STAC: variants seen among roughly 807,000 people sequenced by gnomAD.
The protein encoded by STAC is SH3 and cysteine rich domain.
Under a neutral mutation model 48.8 loss-of-function variants are expected in STAC, and 43 were observed. The ratio of observed to expected loss-of-function variants is 0.88; its 90% CI spans 0.69 to 1.14. The LOEUF is 1.14. STAC is among the 50% of genes most tolerant of loss of function. STAC has a pLI of 0.00. For missense variants in STAC, 497 were observed against 504.0 expected, an observed-to-expected ratio of 0.99 and a Z score of 0.13; for synonymous variants, 193 against 179.5, an observed-to-expected ratio of 1.07 and a Z score of -0.60.
At chr3:36,428,629 A>C (rs772217797) in intron 1 of STAC, among the ~76,000 whole-genome samples, 2 of 152,160 alleles carry the variant, frequency 1.3e-5, no homozygotes, top group Non-Finnish European at 2.9e-5. Context: ...GACCTGAAGG[A>C]AGTGAGAAGT....
intron 1 of STAC, among the ~76,000 whole-genome samples, chr3:36,401,038 C>A (rs567794131): frequency 3.3e-5 from 5 of 152,140 alleles, no homozygotes; most frequent in Non-Finnish European, 7.4e-5. Flanking sequence ...CAAAGGATGT[C>A]GGCTTCATAT....
intron 6 of STAC, among the ~76,000 whole-genome samples, chr3:36,502,600 C>T (rs573967437): frequency 6.6e-5 from 10 of 152,266 alleles, no homozygotes; most frequent in South Asian, 6.2e-4. Context: ...TTTATGTAGA[C>T]GCCCTTTTAG....
intron 1 of STAC, among the ~76,000 whole-genome samples, chr3:36,422,827 C>G (rs1160045675): frequency 2.0e-5 from 3 of 152,098 alleles, no homozygotes; most frequent in African/African-American, 7.2e-5. Context: ...ACTCCTTATA[C>G]CAGCCAATGG....
intron 1 of STAC, among the ~76,000 whole-genome samples, chr3:36,434,672 A>T (rs188233543): frequency 9.4e-4 from 143 of 152,290 alleles, no homozygotes; most frequent in Non-Finnish European, 1.7e-3. Context: ...CCCCTTTCCC[A>T]TATAGCATGG....
At chr3:36,489,792 G>A (rs1293477305) in intron 5 of STAC, among the ~76,000 whole-genome samples, 1 of 152,144 alleles carries the variant, frequency 6.6e-6, no homozygotes, top group East Asian at 1.9e-4. Context: ...GTGAGTGCAC[G>A]AATCAATGAA....
chr3:36,510,013 G>C (rs998972836), intron 8 of STAC, among the ~76,000 whole-genome samples: 3 of 152,072 alleles, frequency 2.0e-5, no homozygotes, highest in African/African-American at 4.8e-5. Flanking sequence ...TATCATCAGA[G>C]TGAATAGGCA....
At chr3:36,433,186 C>T (rs1248271600) in intron 1 of STAC, among the ~76,000 whole-genome samples, 3 of 152,098 alleles carry the variant, frequency 2.0e-5, no homozygotes, top group African/African-American at 7.2e-5. Flanking sequence ...CAGGCATGTT[C>T]CAGATACACC....
chr3:36,515,060 T>C (rs1427819966), intron 8 of STAC, among the ~76,000 whole-genome samples: 1 of 150,682 alleles, frequency 6.6e-6, no homozygotes, highest in Admixed American at 6.6e-5. Flanking sequence ...ATAATAATAA[T>C]AATAATATAA....
At chr3:36,396,154 T>C (rs1699854264) in intron 1 of STAC, among the ~76,000 whole-genome samples, 1 of 152,174 alleles carries the variant, frequency 6.6e-6, no homozygotes, top group Admixed American at 6.5e-5. Flanking sequence ...CTTAGAGATT[T>C]TCATATTGAT....
chr3:36,415,202 A>T (rs573910009), intron 1 of STAC, among the ~76,000 whole-genome samples: 244 of 152,294 alleles, frequency 1.6e-3, no homozygotes, highest in African/African-American at 5.4e-3. Flanking sequence ...AAGCTGTCAG[A>T]CAGGGACATT....
In STAC at chr3:36,390,451, C is replaced by CTTTTTTTTTTTTTTT. The variant is rs59589769; in HGVS notation, c.111+9704_111+9718dup. On this transcript the variant is annotated intron_variant, in intron 1 of 10. Coordinates refer to ENST00000273183, the MANE Select transcript of STAC (RefSeq NM_003149.3). ...GAAGTAATCATGTGATTTTTCTTTTCTTTTTTTTTTTTTTTTTTTTTGTCC... is the reference window on the plus strand; with the variant it reads ...GAAGTAATCATGTGATTTTTCTTTTCTTTTTTTTTTTTTTTTTTTTTTTTTTTTTTTTTTTTGTCC... Among the ~76,000 whole-genome samples, 297 of 80,820 alleles carry CTTTTTTTTTTTTTTT rather than the reference C, an allele frequency of 3.7e-3. 14 individuals carry two copies. Among genetic ancestry groups the CTTTTTTTTTTTTTTT allele is most frequent in the Non-Finnish European group, 5.4e-3 (221 of 40,998 alleles). The allele number at this position is 80,820 out of a possible 152,430, so 53.0% of individuals were successfully genotyped here. A position where few individuals can be genotyped will look rare whatever the true frequency, so the allele number is the denominator to read the frequency against.
intron 6 of STAC, among the ~76,000 whole-genome samples, chr3:36,502,174 G>T (rs1046761975): frequency 2.0e-5 from 3 of 151,998 alleles, no homozygotes; most frequent in Non-Finnish European, 2.9e-5. Flanking sequence ...AGAACTAAAG[G>T]TTCATTTTGC....
chr3:36,496,024 C>T (rs1054552254), intron 6 of STAC, among the ~76,000 whole-genome samples: 1 of 152,132 alleles, frequency 6.6e-6, no homozygotes, highest in Non-Finnish European at 1.5e-5. Flanking sequence ...CAATATCCCC[C>T]GTATAGATAA....
chr3:36,502,515 A>C (rs1698304549), intron 6 of STAC, among the ~76,000 whole-genome samples: 1 of 152,196 alleles, frequency 6.6e-6, no homozygotes, highest in Non-Finnish European at 1.5e-5. Context: ...CCAGAGGGAG[A>C]TTCAATACAA....
At chr3:36,500,529 AC>A (rs1476612412) in intron 6 of STAC, among the ~76,000 whole-genome samples, 4 of 152,130 alleles carry the variant, frequency 2.6e-5, no homozygotes, top group Non-Finnish European at 5.9e-5. Context: ...GTTGATAGAT[AC>A]AGCAAACCAC....
At chr3:36,398,362 AG>A (rs1432486177) in intron 1 of STAC, among the ~76,000 whole-genome samples, 1 of 138,778 alleles carries the variant, frequency 7.2e-6, no homozygotes, top group Non-Finnish European at 1.6e-5. Context: ...AAAGAAAGAA[AG>A]AAAGAAAAGA....
chr3:36,458,870 A>G lies in STAC; in HGVS notation c.388+15230A>G, dbSNP rs1575213902. On this transcript the variant is annotated intron_variant, in intron 2 of 10. Coordinates refer to ENST00000273183, the MANE Select transcript of STAC (RefSeq NM_003149.3). ...CATCTCAGAAATTTAGTGAGTATCT[A>G]AGTCACCCGGAAGTCTTGTTAGAAT... Among the ~76,000 whole-genome samples the G allele has an allele frequency of 2.6e-5, 4 of 152,208 alleles. No individual in the cohort carries two copies. In the East Asian group the frequency reaches 7.7e-4, roughly 29 times the overall value.
intron 2 of STAC, among the ~76,000 whole-genome samples, chr3:36,470,020 G>A (rs1697287524): frequency 6.6e-6 from 1 of 151,944 alleles, no homozygotes; most frequent in Non-Finnish European, 1.5e-5. Context: ...CCTTTCTCTG[G>A]TGCCTCCTTG....
intron 6 of STAC, among the ~76,000 whole-genome samples, chr3:36,493,894 T>TG (rs1010452060): frequency 3.4e-4 from 51 of 151,896 alleles, no homozygotes; most frequent in African/African-American, 1.2e-3. Context: ...CTCACGCTTG[T>TG]AATCCCAGCA....
Sources: allele counts gnomAD v4.1 joint callset (sites outside exome capture counted in the v4.1 genomes callset), GRCh38; gene constraint gnomAD v4.1.1; transcripts MANE v1.5; gene names NCBI Gene and HGNC (gene_info 2026-07-23, HGNC 2026-07-21).